The following CDH7 variants were observed in gnomAD, a reference collection of about 807,000 sequenced individuals.
CDH7 encodes cadherin-7.
Under a neutral mutation model 71.8 loss-of-function variants are expected in CDH7, and 25 were observed. That is an observed-to-expected ratio of 0.35 (90% CI 0.25 to 0.49). The LOEUF is 0.49. Among genes scored for constraint, CDH7 ranks in the 20% least tolerant of loss-of-function variants. The pLI is 0.99. For missense variants in CDH7, 862 were observed against 974.6 expected (o/e 0.88, Z 1.54); for synonymous variants, 381 against 363.8 (o/e 1.05, Z -0.54).
At chr18:65,870,192 G>A (rs1016019200) in intron 11 of CDH7, among the ~76,000 whole-genome samples, 5 of 152,154 alleles carry the variant, frequency 3.3e-5, no homozygotes, top group African/African-American at 1.2e-4. Context: ...TGATATCTCA[G>A]TCACTCACTT....
intron 2 of CDH7, among the ~76,000 whole-genome samples, chr18:65,763,594 G>GGGGTGTGTGT (rs1491164841): frequency 7.1e-5 from 7 of 99,130 alleles, no homozygotes; most frequent in Non-Finnish European, 1.2e-4. Flanking sequence ...TTGATAGGGG[G>GGGGTGTGTGT]GTGTGTGTGT....
chr18:65,791,601 G>A (rs1468304835), intron 2 of CDH7, among the ~76,000 whole-genome samples: 1 of 152,170 alleles, frequency 6.6e-6, no homozygotes, highest in Non-Finnish European at 1.5e-5. Context: ...TCCCATGTCA[G>A]ATGCTGTGAA....
At position 65,814,570 on chromosome 18, in the gene CDH7, A is replaced by G. The variant is rs765336768; in HGVS notation, c.591A>G (p.Gln197=). 13 of 1,613,782 alleles carry G rather than the reference A, an allele frequency of 8.1e-6. No homozygotes were observed. The highest frequency in any genetic ancestry group is 1.0e-5 in the Non-Finnish European group (12 of 1,179,794). Residue 197 remains glutamine, a synonymous_variant, in exon 4 of 12, where the codon CAA becomes CAG. Transcript: ENST00000397968. ...CCAGAGTGGTCTACAGTATTCTGCA[A>G]GGACAGCCGTACTTCTCAGTGGAGC... ...NSARVVYSIL[Q]GQPYFSVEPK...
At chr18:65,781,978 C>T (rs1316725017) in intron 2 of CDH7, among the ~76,000 whole-genome samples, 20 of 91,880 alleles carry the variant, frequency 2.2e-4, no homozygotes, top group South Asian at 8.0e-4. Flanking sequence ...CTCTCTCTCT[C>T]TCTCTCTCTT....
At chr18:65,792,519 G>A (rs1313591933) in intron 2 of CDH7, among the ~76,000 whole-genome samples, 2 of 152,042 alleles carry the variant, frequency 1.3e-5, no homozygotes, top group East Asian at 3.9e-4. Context: ...AAAGGACAAT[G>A]CAGATAGAAG....
At chr18:65,831,831 G>T (rs1406540440) in intron 6 of CDH7, among the ~76,000 whole-genome samples, 1 of 150,830 alleles carries the variant, frequency 6.6e-6, no homozygotes, top group Non-Finnish European at 1.5e-5. Context: ...AGATAAATTT[G>T]GCCTCCTTTT....
intron 11 of CDH7, among the ~76,000 whole-genome samples, chr18:65,877,607 A>G (rs1271895419): frequency 6.6e-6 from 1 of 151,922 alleles, no homozygotes; most frequent in African/African-American, 2.4e-5. Flanking sequence ...CTCCTTAATT[A>G]TGCTGTTCAA....
chr18:65,811,306 T>C (rs1367690462), intron 3 of CDH7, among the ~76,000 whole-genome samples: 1 of 152,120 alleles, frequency 6.6e-6, no homozygotes, highest in Non-Finnish European at 1.5e-5. Flanking sequence ...CACAGTTTAG[T>C]GAACCTAAAT....
intron 2 of CDH7, among the ~76,000 whole-genome samples, chr18:65,800,722 A>T (rs1644525044): frequency 6.6e-6 from 1 of 152,198 alleles, no homozygotes; most frequent in Admixed American, 6.5e-5. Context: ...ATGTTTATAG[A>T]ATATAGGTTA....
chr18:65,761,783 T>A (rs1406880726), intron 1 of CDH7, among the ~76,000 whole-genome samples: 2 of 152,146 alleles, frequency 1.3e-5, no homozygotes, highest in Non-Finnish European at 2.9e-5. Context: ...GACATTAGAA[T>A]AAAAGGGCTT....
At chr18:65,812,090 T>A (rs1378389941) in intron 3 of CDH7, among the ~76,000 whole-genome samples, 1 of 146,954 alleles carries the variant, frequency 6.8e-6, no homozygotes, top group East Asian at 2.2e-4. Context: ...TGCCTCAGCC[T>A]CCCGAGTAGC....
intron 6 of CDH7, among the ~76,000 whole-genome samples, chr18:65,840,710 C>CATGTGAG (rs1912700980): frequency 6.6e-6 from 1 of 152,148 alleles, no homozygotes; most frequent in Non-Finnish European, 1.5e-5. Flanking sequence ...GGTTGTGAGA[C>CATGTGAG]CTCCCCAGCC....
chr18:65,877,685 G>A (rs1180230427), intron 11 of CDH7, among the ~76,000 whole-genome samples: 3 of 151,830 alleles, frequency 2.0e-5, no homozygotes, highest in Non-Finnish European at 2.9e-5. Context: ...TTCTCTCAAC[G>A]TCCCTCTTCA....
chr18:65,843,052 A>G (rs1484980161), intron 6 of CDH7, among the ~76,000 whole-genome samples: 2 of 152,178 alleles, frequency 1.3e-5, no homozygotes, highest in Non-Finnish European at 2.9e-5. Flanking sequence ...TTTTTCAAAG[A>G]TGGTGCTCTG....
At chr18:65,864,264 A>G (rs1287466015) in intron 11 of CDH7, 2 of 152,168 alleles carry the variant, frequency 1.3e-5, no homozygotes, top group Non-Finnish European at 2.9e-5. Flanking sequence ...AAGCTTCTAA[A>G]ACAAACTTGT....
intron 7 of CDH7, among the ~76,000 whole-genome samples, chr18:65,845,526 G>A (rs1912906699): frequency 6.6e-6 from 1 of 151,934 alleles, no homozygotes; most frequent in Non-Finnish European, 1.5e-5. Context: ...TATTAATTGG[G>A]GCAAACATGA....
At chr18:65,777,985 A>G (rs931031297) in intron 2 of CDH7, among the ~76,000 whole-genome samples, 1 of 152,168 alleles carries the variant, frequency 6.6e-6, no homozygotes. Context: ...ATTTAGAACT[A>G]GTGCCAGCCG....
rs551488247 is a variant in CDH7 at position 65,856,855 on chromosome 18, T to TA, written c.1236-956dup. On this transcript the variant is annotated intron_variant, in intron 7 of 11. Coordinates refer to ENST00000397968, the MANE Select transcript of CDH7 (RefSeq NM_004361.5). ...GTATAAAACAAATAATAGCATGGAC[T>TA]AAAAATACAAGTGGAGTAGTAATTT... Among the ~76,000 whole-genome samples, 29 of 152,176 alleles carry TA rather than the reference T, an allele frequency of 1.9e-4. 1 individual carries two copies. The South Asian group carries it at 5.6e-3, about 29-fold the overall frequency.
rs537444310 is a variant in CDH7 at position 65,815,435 on chromosome 18, A to G, written c.625+831A>G. On this transcript the variant is annotated intron_variant, in intron 4 of 11. Transcript: ENST00000397968. ...TATTCAAATATATACATTTATGATT[A>G]TGAATAGTCATCAGTACCTGTAATC... Among the ~76,000 whole-genome samples the G allele has an allele frequency of 1.4e-4, 22 of 152,308 alleles. No individual in the cohort carries two copies. In the East Asian group the frequency reaches 2.9e-3, roughly 20 times the overall value.
Sources: gnomAD v4.1 joint callset for allele counts (sites outside exome capture counted in the v4.1 genomes callset) on GRCh38, gnomAD v4.1.1 for gene constraint, MANE v1.5 for transcripts, NCBI Gene and HGNC (gene_info 2026-07-23, HGNC 2026-07-21) for gene names.